CDH13: variants seen among roughly 807,000 people sequenced by gnomAD.
The protein encoded by CDH13 is cadherin 13, also known as cadherin-13.
A neutral mutation model predicts 63.8 loss-of-function variants in CDH13; 24 were observed. The ratio of observed to expected loss-of-function variants is 0.38; its 90% CI spans 0.27 to 0.53. The LOEUF (loss-of-function observed/expected upper bound fraction) is 0.53, where lower values mean the gene tolerates loss of function less well. Among genes scored for constraint, CDH13 ranks in the 20% least tolerant of loss-of-function variants. The probability of loss-of-function intolerance (pLI) is 0.85; values close to 1 mark genes in which losing one functional copy is unlikely to be tolerated. For synonymous variants in CDH13, 503 were observed against 355.3 expected, an observed-to-expected ratio of 1.42 and a Z score of -4.67; for missense variants, 1,049 against 903.1, an observed-to-expected ratio of 1.16 and a Z score of -2.07.
chr16:82,707,539 G>C (rs1044014711), intron 1 of CDH13, among the ~76,000 whole-genome samples: 2 of 152,190 alleles, frequency 1.3e-5, no homozygotes, highest in African/African-American at 4.8e-5. Flanking sequence ...GAAATGGAAA[G>C]AAGTCTTCCT....
chr16:83,625,266 C>G (rs936669344), intron 8 of CDH13, among the ~76,000 whole-genome samples: 1 of 151,818 alleles, frequency 6.6e-6, no homozygotes, highest in African/African-American at 2.4e-5. Flanking sequence ...AATGACGGAC[C>G]CTGTGTTATC....
At chr16:82,928,450 T>A (rs928471400) in intron 2 of CDH13, among the ~76,000 whole-genome samples, 7 of 152,210 alleles carry the variant, frequency 4.6e-5, no homozygotes, top group Admixed American at 1.3e-4. Context: ...TCACACAGAT[T>A]TATATTGCCA....
intron 3 of CDH13, among the ~76,000 whole-genome samples, chr16:83,041,972 T>C (rs1315169070): frequency 6.6e-6 from 1 of 152,214 alleles, no homozygotes; most frequent in Non-Finnish European, 1.5e-5. Flanking sequence ...TTTTCCCCTC[T>C]TTCCTGATCT....
chr16:83,511,094 A>AATGCACGTG (rs147339336), intron 7 of CDH13, among the ~76,000 whole-genome samples: 1 of 151,222 alleles, frequency 6.6e-6, no homozygotes, highest in African/African-American at 2.4e-5. Flanking sequence ...GCACACACAC[A>AATGCACGTG]TGCACACATG....
At chr16:83,480,158 C>T (rs554710315) in intron 6 of CDH13, among the ~76,000 whole-genome samples, 1 of 152,124 alleles carries the variant, frequency 6.6e-6, no homozygotes. Flanking sequence ...AACCCCATCT[C>T]TACAAAAATT....
intron 6 of CDH13, among the ~76,000 whole-genome samples, chr16:83,353,702 C>T (rs371238463): frequency 9.9e-5 from 15 of 152,236 alleles, no homozygotes; most frequent in African/African-American, 3.4e-4. Context: ...CCTCTCTAAC[C>T]ATGAAGTCTT....
chr16:83,607,481 T>C (rs545210623), intron 8 of CDH13, among the ~76,000 whole-genome samples: 1 of 152,318 alleles, frequency 6.6e-6, no homozygotes, highest in South Asian at 2.1e-4. Flanking sequence ...TTACAATGAC[T>C]ATACACTTGC....
chr16:83,471,297 C>T (rs1190689810), intron 6 of CDH13, among the ~76,000 whole-genome samples: 10 of 91,182 alleles, frequency 1.1e-4, no homozygotes, highest in East Asian at 3.8e-4. Context: ...TTTTTTGAGA[C>T]GTAGTTTTAC....
At chr16:83,608,276 A>G (rs1908534045) in intron 8 of CDH13, among the ~76,000 whole-genome samples, 1 of 152,202 alleles carries the variant, frequency 6.6e-6, no homozygotes, top group South Asian at 2.1e-4. Flanking sequence ...GGAAAATGAG[A>G]GATGGGCAAA....
chr16:83,372,713 C>G (rs2091392325), intron 6 of CDH13, among the ~76,000 whole-genome samples: 1 of 140,840 alleles, frequency 7.1e-6, no homozygotes, highest in African/African-American at 2.7e-5. Flanking sequence ...GGTGGTGCCA[C>G]TGCACTCCAG....
intron 4 of CDH13, chr16:83,171,528 A>T (rs912435383): frequency 3.2e-5 from 49 of 1,534,112 alleles, no homozygotes; most frequent in Non-Finnish European, 4.1e-5. Context: ...TCAGATGAAG[A>T]TTTGGCAAGT....
chr16:82,712,441 C>T (rs1166693918), intron 1 of CDH13, among the ~76,000 whole-genome samples: 1 of 152,094 alleles, frequency 6.6e-6, no homozygotes, highest in Non-Finnish European at 1.5e-5. Flanking sequence ...ATATCAGCAC[C>T]TTGCGTATTC....
intron 3 of CDH13, 102 bp downstream of exon 3, chr16:83,032,320 C>G (rs1481359623): frequency 2.3e-6 from 2 of 859,860 alleles, no homozygotes; most frequent in Middle Eastern, 2.4e-4. Context: ...GGCTAAGATT[C>G]CTTTTGTTAT....
intron 6 of CDH13, among the ~76,000 whole-genome samples, chr16:83,426,903 CTTTCTTTTT>C (rs2071922124): frequency 1.4e-5 from 1 of 73,966 alleles, no homozygotes; most frequent in African/African-American, 5.3e-5. Context: ...AAATATGTTT[CTTTCTTTTT>C]TTTTTTTTTT....
intron 10 of CDH13, among the ~76,000 whole-genome samples, chr16:83,731,964 C>T (rs1215755654): frequency 1.3e-5 from 2 of 152,172 alleles, no homozygotes; most frequent in Non-Finnish European, 2.9e-5. Context: ...AATAACAAGG[C>T]TGAAAGTAAA....
intron 5 of CDH13, among the ~76,000 whole-genome samples, chr16:83,264,682 C>G (rs1907396533): frequency 6.6e-6 from 1 of 151,360 alleles, no homozygotes; most frequent in Non-Finnish European, 1.5e-5. Flanking sequence ...TGGCTTGCAG[C>G]TTACCCCTCT....
chr16:83,086,688 C>T (rs940270216), intron 3 of CDH13, among the ~76,000 whole-genome samples: 2 of 152,178 alleles, frequency 1.3e-5, no homozygotes, highest in African/African-American at 4.8e-5. Flanking sequence ...GTAGTATTTG[C>T]TCCAAGAAGT....
intron 10 of CDH13, among the ~76,000 whole-genome samples, chr16:83,703,918 C>A (rs1750064616): frequency 6.6e-6 from 1 of 152,182 alleles, no homozygotes; most frequent in Non-Finnish European, 1.5e-5. Flanking sequence ...CATTCAACTG[C>A]ACAAAATATG....
chr16:82,944,275 T>C (rs191170667), intron 2 of CDH13, among the ~76,000 whole-genome samples: 2 of 152,294 alleles, frequency 1.3e-5, no homozygotes, highest in Admixed American at 1.3e-4. Flanking sequence ...CCCAGGCTTC[T>C]GGTATGACTT....
Sources: gnomAD v4.1 joint callset for allele counts (sites outside exome capture counted in the v4.1 genomes callset) on GRCh38, gnomAD v4.1.1 for gene constraint, MANE v1.5 for transcripts, NCBI Gene and HGNC (gene_info 2026-07-23, HGNC 2026-07-21) for gene names.